The following GLIS3 variants were observed in gnomAD, a reference collection of about 807,000 sequenced individuals.
GLIS3 encodes zinc finger protein GLIS3.
A neutral mutation model predicts 78.6 loss-of-function variants in GLIS3; 53 were observed. The ratio of observed to expected loss-of-function variants is 0.67; its 90% confidence interval spans 0.54 to 0.85. The LOEUF (loss-of-function observed/expected upper bound fraction) is 0.85, where lower values mean the gene tolerates loss of function less well. GLIS3 is among the 40% of genes least tolerant of loss of function. GLIS3 has a pLI of 0.00. For missense variants in GLIS3, 1,703 were observed against 1,231.1 expected, an observed-to-expected ratio of 1.38 and a Z score of -5.74; for synonymous variants, 684 against 509.9, an observed-to-expected ratio of 1.34 and a Z score of -4.60.
At chr9:3,989,263 G>C (rs1820021197) in intron 4 of GLIS3, among the ~76,000 whole-genome samples, 1 of 152,116 alleles carries the variant, frequency 6.6e-6, no homozygotes, top group Admixed American at 6.6e-5. Context: ...TACTGGCAAA[G>C]ATGTGAAGAA....
upstream of GLIS3, among the ~76,000 whole-genome samples, chr9:4,302,189 A>G (rs1817101932): frequency 6.6e-6 from 1 of 152,154 alleles, no homozygotes; most frequent in Non-Finnish European, 1.5e-5. Context: ...GAAATCATGT[A>G]GTTCCAAAAT....
chr9:4,002,165 G>A (rs1351338472), intron 4 of GLIS3, among the ~76,000 whole-genome samples: 2 of 152,194 alleles, frequency 1.3e-5, no homozygotes, highest in Non-Finnish European at 2.9e-5. Context: ...TGAGTAGTAG[G>A]AGATGTGACA....
At chr9:4,489,547 G>A in the GLIS3 span, among the ~76,000 whole-genome samples, 1 of 152,282 alleles carries the variant, frequency 6.6e-6, no homozygotes, top group African/African-American at 2.4e-5. Context: ...TTGTATACGT[G>A]AGAGTGAAAA....
chr9:4,047,113 T>C (rs1825313804), intron 4 of GLIS3, among the ~76,000 whole-genome samples: 1 of 152,164 alleles, frequency 6.6e-6, no homozygotes, highest in East Asian at 1.9e-4. Flanking sequence ...GGTGACTGGA[T>C]CATGGGGGCT....
intron 2 of GLIS3, among the ~76,000 whole-genome samples, chr9:4,140,825 T>C (rs964381234): frequency 7.5e-5 from 11 of 146,552 alleles, no homozygotes; most frequent in Non-Finnish European, 1.6e-4. Flanking sequence ...TGAGACGGAG[T>C]TTTGCTCTTA....
chr9:4,059,327 C>T (rs1416538939), intron 4 of GLIS3, among the ~76,000 whole-genome samples: 1 of 152,194 alleles, frequency 6.6e-6, no homozygotes, highest in African/African-American at 2.4e-5. Flanking sequence ...TCTTTGTTCT[C>T]CACTACACTC....
the GLIS3 span, among the ~76,000 whole-genome samples, chr9:4,386,776 G>A: frequency 1.3e-5 from 2 of 152,182 alleles, no homozygotes; most frequent in African/African-American, 2.4e-5. Flanking sequence ...GGATATTCCT[G>A]TCATAGCTAA....
chr9:4,243,356 G>C (rs991486293), intron 2 of GLIS3, among the ~76,000 whole-genome samples: 3 of 151,284 alleles, frequency 2.0e-5, no homozygotes. Flanking sequence ...GATCCCAGTA[G>C]ACAGAACCTC....
At chr9:4,207,230 C>G (rs1036763370) in intron 2 of GLIS3, among the ~76,000 whole-genome samples, 3 of 152,210 alleles carry the variant, frequency 2.0e-5, no homozygotes, top group Non-Finnish European at 2.9e-5. Context: ...AAGCTGCCCC[C>G]TTCGTCCCCA....
At chr9:4,406,887 T>A in the GLIS3 span, among the ~76,000 whole-genome samples, 4 of 152,186 alleles carry the variant, frequency 2.6e-5, no homozygotes, top group Non-Finnish European at 4.4e-5. Flanking sequence ...ATCTACAGAT[T>A]CAATACAATT....
chr9:3,935,688 G>A (rs1281630741), intron 5 of GLIS3, among the ~76,000 whole-genome samples: 1 of 151,960 alleles, frequency 6.6e-6, no homozygotes, highest in South Asian at 2.1e-4. Flanking sequence ...ACCATTTTAG[G>A]CACAACAAAA....
chr9:4,214,066 C>T (rs931771986), intron 2 of GLIS3, among the ~76,000 whole-genome samples: 10 of 152,166 alleles, frequency 6.6e-5, no homozygotes, highest in African/African-American at 2.4e-4. Flanking sequence ...AGTGACACCT[C>T]ATCTCACTCA....
intron 2 of GLIS3, among the ~76,000 whole-genome samples, chr9:4,284,101 A>G (rs1827783925): frequency 6.6e-6 from 1 of 152,332 alleles, no homozygotes; most frequent in Non-Finnish European, 1.5e-5. Context: ...GCTGACCGCC[A>G]TCAAAGTTAG....
At chr9:3,855,969 C>G in intron 9 of GLIS3, 40 bp downstream of exon 9, 1 of 1,602,640 alleles carries the variant, frequency 6.2e-7, no homozygotes, top group East Asian at 2.2e-5. Context: ...AGCACAATGT[C>G]ACTTTTCAAA....
chr9:4,481,303 G>C, the GLIS3 span, among the ~76,000 whole-genome samples: 1 of 152,122 alleles, frequency 6.6e-6, no homozygotes, highest in Admixed American at 6.5e-5. Context: ...GGCCAACATG[G>C]TGAAACCCTG....
chr9:4,036,657 T>G (rs10974295), intron 4 of GLIS3, among the ~76,000 whole-genome samples: 1 of 152,174 alleles, frequency 6.6e-6, no homozygotes, highest in East Asian at 1.9e-4. Context: ...ACCTACTAAA[T>G]AGGTGCCCAG....
the GLIS3 span, among the ~76,000 whole-genome samples, chr9:4,482,201 G>A: frequency 6.6e-6 from 1 of 152,286 alleles, no homozygotes; most frequent in South Asian, 2.1e-4. Context: ...AAATGAAATG[G>A]AATTTTTCTT....
intron 2 of GLIS3, among the ~76,000 whole-genome samples, chr9:4,315,901 C>T (rs1026593489): frequency 6.6e-5 from 10 of 152,074 alleles, no homozygotes; most frequent in African/African-American, 1.2e-4. Context: ...GCAGATATCT[C>T]GTATTACCTC....
chr9:4,242,393 G>T (rs1823401488), intron 2 of GLIS3, among the ~76,000 whole-genome samples: 1 of 150,240 alleles, frequency 6.7e-6, no homozygotes, highest in African/African-American at 2.5e-5. Context: ...GCTTTCTGAG[G>T]AACAATTCCC....
Sources: allele counts gnomAD v4.1 joint callset (sites outside exome capture counted in the v4.1 genomes callset), GRCh38; gene constraint gnomAD v4.1.1; transcripts MANE v1.5; gene names NCBI Gene and HGNC (gene_info 2026-07-23, HGNC 2026-07-21).